Variants in UBE2E1 observed in about 807,000 individuals in gnomAD.
UBE2E1 encodes the protein ubiquitin-conjugating enzyme E2 E1.
A neutral mutation model predicts 21.4 loss-of-function variants in UBE2E1; 6 were observed. The observed-to-expected ratio is 0.28, with a 90% CI of 0.15 to 0.55. UBE2E1 has a LOEUF of 0.55. UBE2E1 is among the 20% of genes least tolerant of loss of function. UBE2E1 has a pLI of 0.93. For missense variants in UBE2E1, 142 were observed against 236.5 expected (o/e 0.60, Z 2.62); for synonymous variants, 87 against 82.7 (o/e 1.05, Z -0.28).
At chr3:23,883,269 G>A (rs928957832) in intron 3 of UBE2E1, among the ~76,000 whole-genome samples, 10 of 152,306 alleles carry the variant, frequency 6.6e-5, no homozygotes, top group African/African-American at 2.4e-4. Flanking sequence ...GGAGGAGACA[G>A]GAGATTATTA....
In UBE2E1 at chr3:23,887,492, T is replaced by A; in HGVS notation, c.204-75T>A. ...ACAAAAGAGAGGAGAGAGGTAATCT[T>A]TCCATCTCTTTTAATACACTGTAAA... is the stretch of plus-strand genomic sequence containing the variant. On this transcript the variant is annotated intron_variant, in intron 3 of 5. Transcript: ENST00000306627. This position sits in a 1 kb window ranked among gnomAD's most constrained non-coding sequence, Gnocchi z 4.4. 6.6e-7 allele frequency: 1 copy of A among 1,504,160 alleles called. No individual in the cohort carries two copies. The highest frequency in any genetic ancestry group is 8.9e-7 in the Non-Finnish European group (1 of 1,128,218). 93.2% of individuals were successfully genotyped at this position (1,504,160 alleles called of 1,614,324 possible).
chr3:23,837,584 A>G (rs535283890), intron 3 of UBE2E1, among the ~76,000 whole-genome samples: 5 of 152,314 alleles, frequency 3.3e-5, no homozygotes, highest in African/African-American at 1.2e-4. Context: ...GCTGATTCCA[A>G]TTTGAAATTC....
chr3:23,824,348 A>C (rs1390540555), intron 3 of UBE2E1, among the ~76,000 whole-genome samples: 1 of 152,202 alleles, frequency 6.6e-6, no homozygotes, highest in African/African-American at 2.4e-5. Context: ...TTGTGAAGAA[A>C]GGCATTCTTT....
Position 23,890,903 on chromosome 3 carries a change from A to C in UBE2E1, c.*297A>C, listed in dbSNP as rs572464272. ...CAGTTGCTTGTAGTCTGTAAATTTA[A>C]AACAGCTTAATTTGGTACAGGTTAC... On this transcript the variant is annotated 3_prime_UTR_variant, in exon 6 of 6. Coordinates refer to ENST00000306627, the MANE Select transcript of UBE2E1 (RefSeq NM_003341.5). The C allele has an allele frequency of 4.5e-6, 1 of 220,742 alleles. No individual in the cohort carries two copies. Among genetic ancestry groups the C allele is most frequent in the South Asian group, 1.4e-4 (1 of 7,128 alleles). 13.7% of individuals were successfully genotyped at this position (220,742 alleles called of 1,614,324 possible).
intron 3 of UBE2E1, among the ~76,000 whole-genome samples, chr3:23,874,306 T>C (rs1469390640): frequency 6.6e-6 from 1 of 152,300 alleles, no homozygotes; most frequent in Non-Finnish European, 1.5e-5. Flanking sequence ...CAGCACTAAA[T>C]GTGTGGAGGG....
At position 23,886,179 on chromosome 3, in the gene UBE2E1, G is replaced by T. The variant is rs568364246; in HGVS notation, c.204-1388G>T. 9.9e-5 allele frequency among the ~76,000 whole-genome samples: 15 copies of T among 152,274 alleles called. No individual in the cohort carries two copies. The South Asian group carries it at 2.9e-3, about 30-fold the overall frequency. On this transcript the variant is annotated intron_variant, in intron 3 of 5. Transcript: ENST00000306627. ...CATGCCACTCACTGCATTCCAGCCT[G>T]GGTAGCAGATCAAGACTCTGTTTCA...
In UBE2E1 at chr3:23,842,323, T is replaced by C. The variant is rs1196538266; in HGVS notation, c.203+30813T>C. 2.7e-5 allele frequency among the ~76,000 whole-genome samples: 4 copies of C among 150,228 alleles called. No homozygotes were observed. Among genetic ancestry groups the C allele is most frequent in the Non-Finnish European group, 5.9e-5 (4 of 67,606 alleles). On this transcript the variant is annotated intron_variant, in intron 3 of 5. Coordinates refer to ENST00000306627, the MANE Select transcript of UBE2E1 (RefSeq NM_003341.5). The surrounding 1 kb of genome is among the most constrained non-coding windows in gnomAD (Gnocchi z 4.6). ...ATGCAGTGGTGCAGTCACGACTCAC[T>C]GCAGCCTCAACCTCATGGGCTCAGG...
chr3:23,880,564 G>A (rs890844692), intron 3 of UBE2E1, among the ~76,000 whole-genome samples: 5 of 152,106 alleles, frequency 3.3e-5, no homozygotes, highest in African/African-American at 2.4e-5. Context: ...ACTGTGACTC[G>A]AAAAATATCC....
Position 23,806,514 on chromosome 3 carries a change from C to T in UBE2E1, c.-34+426C>T, listed in dbSNP as rs1238193626. ...GTCTTCGCTGCGGAGGCCGACCCCCCCATTCCCCGCCGCAGCCCCTATCCC... is the reference window on the plus strand; with the variant it reads ...GTCTTCGCTGCGGAGGCCGACCCCCTCATTCCCCGCCGCAGCCCCTATCCC... On this transcript the variant is annotated intron_variant, in intron 1 of 5. Coordinates refer to ENST00000306627, the MANE Select transcript of UBE2E1 (RefSeq NM_003341.5). This position sits in a 1 kb window ranked among gnomAD's most constrained non-coding sequence, Gnocchi z 6.5. Among the ~76,000 whole-genome samples the T allele has an allele frequency of 6.6e-6, 1 of 151,960 alleles. No individual in the cohort carries two copies. The highest frequency in any genetic ancestry group is 1.5e-5 in the Non-Finnish European group (1 of 67,844).
At chr3:23,886,045 G>T (rs1000620981) in intron 3 of UBE2E1, among the ~76,000 whole-genome samples, 1 of 151,876 alleles carries the variant, frequency 6.6e-6, no homozygotes, top group Non-Finnish European at 1.5e-5. Flanking sequence ...AAATTAAATA[G>T]AAAACATTAG....
chr3:23,882,583 G>A (rs1701074599), intron 3 of UBE2E1, among the ~76,000 whole-genome samples: 1 of 152,076 alleles, frequency 6.6e-6, no homozygotes, highest in African/African-American at 2.4e-5. Flanking sequence ...GGAGCAGGGG[G>A]TGGTCCCCAT....
At chr3:23,873,511 G>C (rs1230550414) in intron 3 of UBE2E1, among the ~76,000 whole-genome samples, 1 of 152,178 alleles carries the variant, frequency 6.6e-6, no homozygotes, top group Non-Finnish European at 1.5e-5. Context: ...CTTTGGGGAG[G>C]CTGAGGCAGG....
Position 23,890,694 on chromosome 3 carries a change from G to T in UBE2E1, c.*88G>T. 8.7e-7 allele frequency: 1 copy of T among 1,144,326 alleles called. No homozygotes were observed. 70.9% of individuals were successfully genotyped at this position (1,144,326 alleles called of 1,614,324 possible). On this transcript the variant is annotated 3_prime_UTR_variant, in exon 6 of 6. Transcript: ENST00000306627. ...AAGGGGTCAGGGAGGGTGGGAGTTG[G>T]TAAAGAGTAGGGTATTTCTATAACA...
intron 3 of UBE2E1, among the ~76,000 whole-genome samples, chr3:23,849,430 G>A (rs1425112330): frequency 6.6e-6 from 1 of 152,128 alleles, no homozygotes; most frequent in Non-Finnish European, 1.5e-5. Flanking sequence ...ATGGTGATTT[G>A]CTGCACCTAT....
In UBE2E1 at chr3:23,808,942, AAT is replaced by A. The variant is rs1699331242; in HGVS notation, c.152+1526_152+1527del. The stretch of plus-strand genomic sequence containing the variant: ...TTGCTAGATATCCCTGGTGTACATG[AAT>A]ATATTTGGGGGTAAAGACACAGGTA... On this transcript the variant is annotated intron_variant, in intron 2 of 5. Coordinates refer to ENST00000306627, the MANE Select transcript of UBE2E1 (RefSeq NM_003341.5). The surrounding 1 kb of genome is among the most constrained non-coding windows in gnomAD (Gnocchi z 4.9). The A allele has an allele frequency of 6.6e-6, 1 of 152,160 alleles. No homozygotes were observed. Among genetic ancestry groups the A allele is most frequent in the Admixed American group, 6.5e-5 (1 of 15,278 alleles). 9.4% of individuals were successfully genotyped at this position (152,160 alleles called of 1,614,324 possible).
rs1449864123 is a variant in UBE2E1, at chr3:23,810,741, C to CA, written c.153-718dup. The CA allele has an allele frequency of 6.0e-6, 2 of 333,384 alleles. No homozygotes were observed. Among genetic ancestry groups the CA allele is most frequent in the East Asian group, 9.8e-5 (2 of 20,462 alleles). The allele number at this position is 333,384 out of a possible 1,614,324, so 20.7% of individuals were successfully genotyped here. ...CGGCGCGGAGCAGCCCCCGTGCGGG[C>CA]ACCCTGTTCCCCTCCCCCGCCCGCA... is the stretch of plus-strand genomic sequence containing the variant. On this transcript the variant is annotated intron_variant, in intron 2 of 5. Coordinates refer to ENST00000306627, the MANE Select transcript of UBE2E1 (RefSeq NM_003341.5). This position sits in a 1 kb window ranked among gnomAD's most constrained non-coding sequence, Gnocchi z 5.8.
chr3:23,882,795 T>C (rs1052894747), intron 3 of UBE2E1, among the ~76,000 whole-genome samples: 1 of 152,202 alleles, frequency 6.6e-6, no homozygotes, highest in Non-Finnish European at 1.5e-5. Context: ...AGCCCCTCAC[T>C]GCCTGGGGCC....
At chr3:23,834,233 T>G (rs1575817478) in intron 3 of UBE2E1, among the ~76,000 whole-genome samples, 1 of 152,332 alleles carries the variant, frequency 6.6e-6, no homozygotes, top group East Asian at 1.9e-4. Flanking sequence ...GTTCAAATCT[T>G]AACTCTGCCT....
At chr3:23,855,594 C>G (rs1428136227) in intron 3 of UBE2E1, among the ~76,000 whole-genome samples, 1 of 152,066 alleles carries the variant, frequency 6.6e-6, no homozygotes, top group Admixed American at 6.5e-5. Flanking sequence ...CTTTGGGAGG[C>G]CGAGGTGGGC....
Sources: allele counts gnomAD v4.1 joint callset (sites outside exome capture counted in the v4.1 genomes callset), GRCh38; gene constraint gnomAD v4.1.1; non-coding constraint Gnocchi (gnomAD v3.1); transcripts MANE v1.5; gene names NCBI Gene and HGNC (gene_info 2026-07-23, HGNC 2026-07-21).